Variants in AKAP19 observed in about 807,000 individuals in gnomAD.
AKAP19 encodes A-kinase anchoring protein 19, also known as small A-kinase anchoring protein.
chr2:190,175,429 A>G, the AKAP19 span, among the ~76,000 whole-genome samples: 1 of 152,228 alleles, frequency 6.6e-6, no homozygotes, highest in Non-Finnish European at 1.5e-5. Flanking sequence ...GAACTGGATT[A>G]TACATTACAC....
chr2:189,935,639 C>G, the AKAP19 span, among the ~76,000 whole-genome samples: 1 of 152,126 alleles, frequency 6.6e-6, no homozygotes, highest in African/African-American at 2.4e-5. Context: ...TTTGTTACTG[C>G]TTGTAGCAAA....
the AKAP19 span, among the ~76,000 whole-genome samples, chr2:189,976,830 G>A: frequency 2.0e-5 from 3 of 152,196 alleles, no homozygotes; most frequent in Admixed American, 6.5e-5. Context: ...TTGGAAAAGC[G>A]CAGTATTAGG....
the AKAP19 span, among the ~76,000 whole-genome samples, chr2:190,140,663 C>T: frequency 6.6e-6 from 1 of 152,134 alleles, no homozygotes. Flanking sequence ...GCAGGGAGGC[C>T]CTGGACCCGG....
the AKAP19 span, among the ~76,000 whole-genome samples, chr2:190,013,992 C>T: frequency 4.6e-5 from 7 of 151,810 alleles, no homozygotes; most frequent in South Asian, 1.5e-3. Flanking sequence ...TGTTCTTTTT[C>T]TAGTTCCTTA....
chr2:189,891,720 T>G, the AKAP19 span, among the ~76,000 whole-genome samples: 1 of 152,096 alleles, frequency 6.6e-6, no homozygotes, highest in African/African-American at 2.4e-5. Context: ...TTGGGGTTGC[T>G]GTTCTCAAGG....
chr2:189,947,493 C>T, the AKAP19 span, among the ~76,000 whole-genome samples: 10 of 152,140 alleles, frequency 6.6e-5, no homozygotes, highest in South Asian at 2.1e-3. Flanking sequence ...AATGAAAAGG[C>T]AATAATGACA....
the AKAP19 span, among the ~76,000 whole-genome samples, chr2:190,190,436 T>C: frequency 6.6e-6 from 1 of 152,382 alleles, no homozygotes; most frequent in African/African-American, 2.4e-5. Context: ...CTAATTTGTT[T>C]ATCCATTTGA....
chr2:190,159,340 G>T, the AKAP19 span, among the ~76,000 whole-genome samples: 1 of 152,192 alleles, frequency 6.6e-6, no homozygotes, highest in African/African-American at 2.4e-5. Context: ...GAGTACTGTT[G>T]TGCTGAGCCT....
chr2:189,918,346 C>G, the AKAP19 span, among the ~76,000 whole-genome samples: 1 of 152,020 alleles, frequency 6.6e-6, no homozygotes, highest in Non-Finnish European at 1.5e-5. Context: ...ATACAGTGGG[C>G]CTCCTAGTAC....
chr2:189,924,266 G>A, the AKAP19 span: 35 of 1,233,526 alleles, frequency 2.8e-5, no homozygotes, highest in South Asian at 3.8e-4. Flanking sequence ...TTACCTAGGC[G>A]CTTGTCTAAG....
the AKAP19 span, among the ~76,000 whole-genome samples, chr2:190,110,978 G>A: frequency 6.6e-6 from 1 of 152,146 alleles, no homozygotes; most frequent in South Asian, 2.1e-4. Flanking sequence ...TAAAGACAGG[G>A]TGCAAGATCA....
chr2:190,033,192 A>T, the AKAP19 span, among the ~76,000 whole-genome samples: 1 of 152,142 alleles, frequency 6.6e-6, no homozygotes, highest in African/African-American at 2.4e-5. Context: ...AAAGAAACAG[A>T]CCTTTAATAA....
At chr2:189,976,688 C>T in the AKAP19 span, among the ~76,000 whole-genome samples, 1 of 152,218 alleles carries the variant, frequency 6.6e-6, no homozygotes, top group East Asian at 1.9e-4. Context: ...GGGCGCCCCT[C>T]CCCCAGCCTC....
At chr2:190,112,691 A>C in the AKAP19 span, among the ~76,000 whole-genome samples, 1 of 152,150 alleles carries the variant, frequency 6.6e-6, no homozygotes, top group Non-Finnish European at 1.5e-5. Context: ...TTCTGATTTT[A>C]ACCATACTTG....
At chr2:190,034,715 G>T in the AKAP19 span, among the ~76,000 whole-genome samples, 4 of 151,304 alleles carry the variant, frequency 2.6e-5, no homozygotes, top group South Asian at 2.1e-4. Context: ...GCATGGTGGC[G>T]CATGCCTGTA....
the AKAP19 span, among the ~76,000 whole-genome samples, chr2:189,963,938 A>G: frequency 2.6e-5 from 4 of 151,712 alleles, no homozygotes; most frequent in Non-Finnish European, 5.9e-5. Context: ...TAATTTTTGT[A>G]TTTTTTCTAC....
the AKAP19 span, among the ~76,000 whole-genome samples, chr2:190,045,745 G>A: frequency 6.6e-6 from 1 of 152,298 alleles, no homozygotes; most frequent in African/African-American, 2.4e-5. Context: ...GCAGGCTGTC[G>A]CTGCTCAGCA....
the AKAP19 span, among the ~76,000 whole-genome samples, chr2:190,046,280 G>GT: frequency 0.011 from 1,669 of 147,622 alleles, 70 homozygotes; most frequent in Admixed American, 0.065. Context: ...TCTGTGATTT[G>GT]TTTTTTTTTT....
chr2:190,071,367 T>C, the AKAP19 span, among the ~76,000 whole-genome samples: 1 of 152,218 alleles, frequency 6.6e-6, no homozygotes, highest in Non-Finnish European at 1.5e-5. Flanking sequence ...TTTTATACCA[T>C]ATTTTTTACT....
Sources: allele counts gnomAD v4.1 joint callset (sites outside exome capture counted in the v4.1 genomes callset), GRCh38; gene constraint gnomAD v4.1.1; transcripts MANE v1.5; gene names NCBI Gene and HGNC (gene_info 2026-07-23, HGNC 2026-07-21).